RAB6A: variants seen among roughly 807,000 people sequenced by gnomAD.
RAB6A encodes RAB6A, member RAS oncogene family, also known as ras-related protein Rab-6A.
In RAB6A, 8 loss-of-function variants were observed where a neutral mutation model predicts 32.3. The observed-to-expected ratio is 0.25, with a 90% CI of 0.15 to 0.45. The LOEUF is 0.45. RAB6A is among the 20% of genes least tolerant of loss of function. RAB6A has a pLI of 1.00. For missense variants in RAB6A, 104 were observed against 249.4 expected, an observed-to-expected ratio of 0.42 and a Z score of 3.93; for synonymous variants, 73 against 82.1, an observed-to-expected ratio of 0.89 and a Z score of 0.60.
chr11:73,711,985 T>G (rs1464833883), intron 5 of RAB6A, among the ~76,000 whole-genome samples: 1 of 152,216 alleles, frequency 6.6e-6, no homozygotes, highest in Non-Finnish European at 1.5e-5. Context: ...CTTCTCTATT[T>G]TTAGAGGCTT....
At position 73,677,546 on chromosome 11, in the gene RAB6A, G is replaced by A. The variant is rs568747205; in HGVS notation, c.*352C>T. 1.8e-4 allele frequency: 86 copies of A among 482,964 alleles called. 3 individuals carry two copies. Among genetic ancestry groups the A allele is most frequent in the South Asian group, 1.6e-3 (49 of 30,240 alleles). The allele number at this position is 482,964 out of a possible 1,614,324, so 29.9% of individuals were successfully genotyped here. ...AGATAAAGTAGGCTGTGAACATACC[G>A]CTCGTTAACCAAGCCATACTCATAC... On this transcript the variant is annotated 3_prime_UTR_variant, in exon 8 of 8. Coordinates refer to ENST00000336083, the MANE Select transcript of RAB6A (RefSeq NM_198896.2).
chr11:73,699,051 C>T (rs1945700327), intron 6 of RAB6A, among the ~76,000 whole-genome samples: 1 of 152,006 alleles, frequency 6.6e-6, no homozygotes, highest in South Asian at 2.1e-4. Context: ...CAGAGTTTCA[C>T]CATGTTGGTC....
chr11:73,733,560 A>AAATAAATAAATAAAAAT (rs1565371186), intron 1 of RAB6A, among the ~76,000 whole-genome samples: 1 of 142,080 alleles, frequency 7.0e-6, no homozygotes, highest in Admixed American at 7.0e-5. Flanking sequence ...CAAAAAAAAA[A>AAATAAATAAATAAAAAT]AAATAAATAA....
chr11:73,688,590 G>A (rs1945496902), intron 6 of RAB6A, among the ~76,000 whole-genome samples: 1 of 151,962 alleles, frequency 6.6e-6, no homozygotes, highest in East Asian at 1.9e-4. Context: ...CTTGTCCCTG[G>A]GTCTTCTGCT....
chr11:73,726,936 T>G (rs1057445316), intron 2 of RAB6A, among the ~76,000 whole-genome samples: 2 of 152,056 alleles, frequency 1.3e-5, no homozygotes, highest in Non-Finnish European at 2.9e-5. Flanking sequence ...GAATACATGA[T>G]TTTCAGAGAA....
intron 1 of RAB6A, among the ~76,000 whole-genome samples, chr11:73,735,733 C>T (rs1946382861): frequency 6.6e-6 from 1 of 151,794 alleles, no homozygotes; most frequent in Admixed American, 6.6e-5. Flanking sequence ...TACGAGATTA[C>T]CTAAATTCTT....
chr11:73,704,172 A>G, intron 6 of RAB6A: 1 of 426,364 alleles, frequency 2.3e-6, no homozygotes, highest in African/African-American at 2.0e-5. Flanking sequence ...ACCTGAGTCT[A>G]GGAGTTCAAG....
At chr11:73,725,250 A>G (rs1301153508) in intron 2 of RAB6A, among the ~76,000 whole-genome samples, 1 of 152,240 alleles carries the variant, frequency 6.6e-6, no homozygotes, top group Non-Finnish European at 1.5e-5. Context: ...AGGAGTACAG[A>G]GTTAGTATGA....
At chr11:73,703,372 T>A (rs1415482970) in intron 6 of RAB6A, among the ~76,000 whole-genome samples, 1 of 152,056 alleles carries the variant, frequency 6.6e-6, no homozygotes, top group Non-Finnish European at 1.5e-5. Context: ...TAAAAAAAAA[T>A]AAAGTATATT....
rs576335933 is a variant in RAB6A at position 73,677,787 on chromosome 11, C to T, written c.*111G>A. On this transcript the variant is annotated 3_prime_UTR_variant, in exon 8 of 8. Transcript: ENST00000336083. ...CAGGCAGCAATGATGAATTGCAATA[C>T]GTTATTACTGAAGGGAAAAGGTTCA... The T allele has an allele frequency of 2.4e-5, 38 of 1,580,748 alleles. No homozygotes were observed. The South Asian group carries it at 3.5e-4, about 14-fold the overall frequency.
chr11:73,705,764 C>T (rs367855840), intron 6 of RAB6A, among the ~76,000 whole-genome samples: 1 of 63,116 alleles, frequency 1.6e-5, no homozygotes. Flanking sequence ...TATATAATTC[C>T]GATGAGAGAG....
At chr11:73,687,256 T>C (rs1230761557) in intron 6 of RAB6A, among the ~76,000 whole-genome samples, 4 of 152,168 alleles carry the variant, frequency 2.6e-5, no homozygotes, top group Non-Finnish European at 4.4e-5. Context: ...ATTTAATGGG[T>C]ACAGAATGTC....
At chr11:73,757,351 G>A (rs749585804) in intron 1 of RAB6A, among the ~76,000 whole-genome samples, 13 of 149,122 alleles carry the variant, frequency 8.7e-5, no homozygotes, top group Non-Finnish European at 1.5e-4. Context: ...CATGGGGTGG[G>A]GGGGAGCCGG....
At chr11:73,743,988 A>AC (rs1183766571) in intron 1 of RAB6A, among the ~76,000 whole-genome samples, 2 of 152,078 alleles carry the variant, frequency 1.3e-5, no homozygotes, top group African/African-American at 2.4e-5. Flanking sequence ...TGAGGCAGGG[A>AC]TCACTTGAGC....
At chr11:73,746,787 G>T (rs890273926) in intron 1 of RAB6A, among the ~76,000 whole-genome samples, 16 of 147,420 alleles carry the variant, frequency 1.1e-4, no homozygotes, top group African/African-American at 3.8e-4. Flanking sequence ...AAAAAAAAAA[G>T]TGAGTTGTAG....
At chr11:73,684,900 A>G (rs1590822038) in intron 6 of RAB6A, among the ~76,000 whole-genome samples, 1 of 152,242 alleles carries the variant, frequency 6.6e-6, no homozygotes, top group East Asian at 1.9e-4. Flanking sequence ...CCAGACTGAG[A>G]AAGACCTTCC....
At chr11:73,758,114 C>A (rs186829584) in intron 1 of RAB6A, among the ~76,000 whole-genome samples, 117 of 145,642 alleles carry the variant, frequency 8.0e-4, no homozygotes, top group Non-Finnish European at 1.4e-3. Context: ...AGAGTTACAT[C>A]AAAAGGACAT....
chr11:73,757,098 C>CAT (rs1170100550), intron 1 of RAB6A, among the ~76,000 whole-genome samples: 540 of 37,634 alleles, frequency 0.014, 9 homozygotes, highest in Middle Eastern at 0.079. Context: ...AATATACATA[C>CAT]ATATATATAT....
chr11:73,689,076 T>C (rs558413312), intron 6 of RAB6A, among the ~76,000 whole-genome samples: 5 of 151,996 alleles, frequency 3.3e-5, no homozygotes, highest in Non-Finnish European at 7.4e-5. Context: ...GAGCTGTGAT[T>C]ATGCCACTGC....
Sources: allele counts gnomAD v4.1 joint callset (sites outside exome capture counted in the v4.1 genomes callset), GRCh38; gene constraint gnomAD v4.1.1; transcripts MANE v1.5; gene names NCBI Gene and HGNC (gene_info 2026-07-23, HGNC 2026-07-21).